TSC22D1: variants seen among roughly 807,000 people sequenced by gnomAD.
TSC22D1 encodes TSC22 domain family protein 1.
A neutral mutation model predicts 74.2 loss-of-function variants in TSC22D1; 9 were observed. The observed-to-expected ratio is 0.12, with a 90% confidence interval of 0.07 to 0.21. TSC22D1 has a LOEUF of 0.21. TSC22D1 is among the 10% of genes least tolerant of loss of function. The probability of loss-of-function intolerance (pLI) is 1.00; values close to 1 mark genes in which losing one functional copy is unlikely to be tolerated. For missense variants in TSC22D1, 1,427 were observed against 1,304.7 expected, an observed-to-expected ratio of 1.09 and a Z score of -1.44; for synonymous variants, 586 against 492.5, an observed-to-expected ratio of 1.19 and a Z score of -2.51.
At chr13:44,437,781 A>G (rs1266348497) in intron 1 of TSC22D1, among the ~76,000 whole-genome samples, 1 of 152,186 alleles carries the variant, frequency 6.6e-6, no homozygotes, top group Non-Finnish European at 1.5e-5. Flanking sequence ...GAGGGATTGA[A>G]ATATTATAAA....
At chr13:44,480,929 G>A (rs182947238) in intron 1 of TSC22D1, among the ~76,000 whole-genome samples, 8 of 152,260 alleles carry the variant, frequency 5.3e-5, no homozygotes, top group Admixed American at 2.6e-4. Flanking sequence ...TGTTATGAGC[G>A]GCTGAATTGG....
chr13:44,537,127 T>C, intron 1 of TSC22D1: 1 of 901,662 alleles, frequency 1.1e-6, no homozygotes, highest in South Asian at 5.1e-5. Context: ...AAATATTTAT[T>C]AGATTTCAAA....
intron 1 of TSC22D1, among the ~76,000 whole-genome samples, chr13:44,447,904 T>C (rs1176525496): frequency 1.4e-5 from 2 of 148,076 alleles, no homozygotes; most frequent in Non-Finnish European, 3.0e-5. Context: ...GAGAGAGAGA[T>C]GGGGCTCAAC....
intron 1 of TSC22D1, among the ~76,000 whole-genome samples, chr13:44,449,798 G>A (rs1489592308): frequency 6.6e-6 from 1 of 152,120 alleles, no homozygotes; most frequent in East Asian, 1.9e-4. Flanking sequence ...AAAAGAAATG[G>A]TCAACATAAT....
intron 1 of TSC22D1, among the ~76,000 whole-genome samples, chr13:44,472,554 G>A (rs907187621): frequency 6.6e-6 from 1 of 152,056 alleles, no homozygotes; most frequent in African/African-American, 2.4e-5. Context: ...CATAGTCCTC[G>A]CCTGTAACCC....
At chr13:44,450,094 G>A (rs988419618) in intron 1 of TSC22D1, among the ~76,000 whole-genome samples, 2 of 151,860 alleles carry the variant, frequency 1.3e-5, no homozygotes, top group African/African-American at 4.8e-5. Context: ...TGTTTCTGAG[G>A]GCAGAAGACT....
At chr13:44,516,139 T>C (rs1267224030) in intron 1 of TSC22D1, among the ~76,000 whole-genome samples, 2 of 152,180 alleles carry the variant, frequency 1.3e-5, no homozygotes, top group African/African-American at 4.8e-5. Context: ...TAGCTATTAG[T>C]AGTATGCAGT....
intron 2 of TSC22D1, 155 bp downstream of exon 2, chr13:44,435,889 G>A (rs1874566416): frequency 2.7e-5 from 21 of 790,724 alleles, no homozygotes; most frequent in Non-Finnish European, 4.3e-5. Flanking sequence ...GTGGTAGGTG[G>A]CTCCACGCTG....
intron 1 of TSC22D1, among the ~76,000 whole-genome samples, chr13:44,444,278 CAAAAAAAAAAAAAAAAAAA>C (rs71070905): frequency 5.7e-5 from 1 of 17,580 alleles, no homozygotes; most frequent in Non-Finnish European, 9.5e-5. Flanking sequence ...GACTCTGTCT[CAAAAAAAAAAAAAAAAAAA>C]AAAAAAAAAA....
chr13:44,536,669 T>C (rs1046346170), intron 1 of TSC22D1: 3 of 901,280 alleles, frequency 3.3e-6, no homozygotes, highest in African/African-American at 3.6e-5. Context: ...GTAAGAGTTA[T>C]ATTTTGATCA....
intron 1 of TSC22D1, among the ~76,000 whole-genome samples, chr13:44,569,120 C>G (rs1883574954): frequency 6.6e-6 from 1 of 152,036 alleles, no homozygotes; most frequent in African/African-American, 2.4e-5. Context: ...AGACAAAGTT[C>G]TAGGGAATTT....
At chr13:44,517,333 A>AACACACAC (rs3046042) in intron 1 of TSC22D1, among the ~76,000 whole-genome samples, 30 of 148,796 alleles carry the variant, frequency 2.0e-4, no homozygotes, top group Admixed American at 5.4e-4. Context: ...ACAAAAACAA[A>AACACACAC]ACACACACAC....
At position 44,434,313 on chromosome 13, in the gene TSC22D1, G is replaced by A; in HGVS notation, c.*313C>T. The A allele has an allele frequency of 1.5e-6, 2 of 1,372,954 alleles. No individual in the cohort carries two copies. Among genetic ancestry groups the A allele is most frequent in the Non-Finnish European group, 1.9e-6 (2 of 1,073,262 alleles). 85.0% of individuals were successfully genotyped at this position (1,372,954 alleles called of 1,614,324 possible). ...CTTGGAAGTGAGGGGTAGGGAGCCG[G>A]AAGGGATGGAAAGGCACACAGCTCC... is the stretch of plus-strand genomic sequence containing the variant. On this transcript the variant is annotated 3_prime_UTR_variant, in exon 3 of 3. Coordinates refer to ENST00000458659, the MANE Select transcript of TSC22D1 (RefSeq NM_183422.4).
At chr13:44,438,261 C>T (rs969091794) in intron 1 of TSC22D1, among the ~76,000 whole-genome samples, 3 of 152,176 alleles carry the variant, frequency 2.0e-5, no homozygotes, top group Non-Finnish European at 2.9e-5. Flanking sequence ...TGTGTCATCA[C>T]AAATAATTCC....
chr13:44,557,027 C>G (rs528597647), intron 1 of TSC22D1, among the ~76,000 whole-genome samples: 4 of 152,042 alleles, frequency 2.6e-5, no homozygotes, highest in African/African-American at 9.7e-5. Flanking sequence ...CCTGTAATCC[C>G]AGCTACTTGG....
At chr13:44,436,328 G>C (rs748516058) in intron 1 of TSC22D1, 25 of 972,684 alleles carry the variant, frequency 2.6e-5, no homozygotes, top group Non-Finnish European at 3.7e-5. Flanking sequence ...TGTGGGGAAA[G>C]CCTGTTCTCT....
At chr13:44,520,993 G>A (rs1880287615) in intron 1 of TSC22D1, among the ~76,000 whole-genome samples, 1 of 152,094 alleles carries the variant, frequency 6.6e-6, no homozygotes, top group Non-Finnish European at 1.5e-5. Flanking sequence ...TAGTCCCTTT[G>A]CAGATGAGGA....
intron 1 of TSC22D1, among the ~76,000 whole-genome samples, chr13:44,463,920 G>A (rs1335700565): frequency 6.6e-6 from 1 of 152,170 alleles, no homozygotes; most frequent in Non-Finnish European, 1.5e-5. Context: ...GTTCCACAGT[G>A]CTAAGAACTG....
chr13:44,553,397 CTT>C (rs1186395542), intron 1 of TSC22D1, among the ~76,000 whole-genome samples: 2 of 151,546 alleles, frequency 1.3e-5, no homozygotes, highest in African/African-American at 4.9e-5. Flanking sequence ...AGTTTTGAAA[CTT>C]TATAGATTTC....
Sources: allele counts gnomAD v4.1 joint callset (sites outside exome capture counted in the v4.1 genomes callset), GRCh38; gene constraint gnomAD v4.1.1; transcripts MANE v1.5; gene names NCBI Gene and HGNC (gene_info 2026-07-23, HGNC 2026-07-21).